The following PRIM2 variants were observed in gnomAD, a reference collection of about 807,000 sequenced individuals.
The protein encoded by PRIM2 is DNA primase subunit 2.
A neutral mutation model predicts 67.3 loss-of-function variants in PRIM2; 39 were observed. The ratio of observed to expected loss-of-function variants is 0.58; its 90% confidence interval spans 0.45 to 0.76. The LOEUF is 0.76. Ranked by LOEUF, PRIM2 falls within the 30% of genes least tolerant of loss-of-function variation. The pLI is 0.00. For synonymous variants in PRIM2, 143 were observed against 198.7 expected (o/e 0.72, Z 2.36); for missense variants, 398 against 598.7 (o/e 0.66, Z 3.50).
chr6:57,232,019 T>G, the PRIM2 span, among the ~76,000 whole-genome samples: 1 of 152,230 alleles, frequency 6.6e-6, no homozygotes, highest in Non-Finnish European at 1.5e-5. Flanking sequence ...GGCATTACCA[T>G]GTTTTCAGAG....
chr6:57,429,709 A>C (rs1581896271), intron 7 of PRIM2, among the ~76,000 whole-genome samples: 1 of 152,162 alleles, frequency 6.6e-6, no homozygotes, highest in African/African-American at 2.4e-5. Flanking sequence ...TTGTTGTCCC[A>C]TAAAGGAAAT....
the PRIM2 span, among the ~76,000 whole-genome samples, chr6:57,263,172 C>T: frequency 6.6e-6 from 1 of 152,226 alleles, no homozygotes; most frequent in Non-Finnish European, 1.5e-5. Flanking sequence ...ATTTATGTGT[C>T]ATTTCTTACC....
chr6:57,290,612 ACTC>A, the PRIM2 span, among the ~76,000 whole-genome samples: 1 of 152,132 alleles, frequency 6.6e-6, no homozygotes. Flanking sequence ...GAAGTAAAGC[ACTC>A]CTCAGCAAAT....
the PRIM2 span, among the ~76,000 whole-genome samples, chr6:57,271,924 G>A: frequency 4.4e-4 from 67 of 152,144 alleles, no homozygotes; most frequent in Non-Finnish European, 6.6e-4. Context: ...CAGTTTCCAC[G>A]TAGTTGAGCA....
intron 10 of PRIM2, among the ~76,000 whole-genome samples, chr6:57,589,281 C>T (rs1381462606): frequency 6.6e-6 from 1 of 152,104 alleles, no homozygotes; most frequent in Non-Finnish European, 1.5e-5. Context: ...GCAATTCAGG[C>T]CTAGACCAAG....
chr6:57,457,019 A>T (rs1772814493), intron 7 of PRIM2, among the ~76,000 whole-genome samples: 2 of 152,166 alleles, frequency 1.3e-5, no homozygotes, highest in South Asian at 4.1e-4. Context: ...CAGGACCCTC[A>T]GCTGCAGGTC....
At chr6:57,318,365 TC>T in intron 1 of PRIM2, 71 bp from the exon 2 acceptor site, 1 of 1,396,332 alleles carries the variant, frequency 7.2e-7, no homozygotes, top group Non-Finnish European at 9.7e-7. Context: ...AATTATTTTT[TC>T]GTGTTTTTTC....
chr6:57,316,982 G>A (rs916936737), upstream of PRIM2, among the ~76,000 whole-genome samples: 1 of 152,352 alleles, frequency 6.6e-6, no homozygotes, highest in African/African-American at 2.4e-5. Context: ...AGGCATTGCC[G>A]GAGAGCGGGG....
chr6:57,595,717 T>C (rs1410644173), intron 10 of PRIM2, among the ~76,000 whole-genome samples: 2 of 152,182 alleles, frequency 1.3e-5, no homozygotes, highest in Non-Finnish European at 2.9e-5. Context: ...AAAGAAGTAC[T>C]CTGGGTAAGA....
At chr6:57,517,555 T>C (rs2127462879) in intron 8 of PRIM2, among the ~76,000 whole-genome samples, 1 of 152,292 alleles carries the variant, frequency 6.6e-6, no homozygotes, top group African/African-American at 2.4e-5. Context: ...AAAATTTTAA[T>C]TTCAGCAACC....
At chr6:57,373,785 A>G (rs1485972612) in intron 5 of PRIM2, among the ~76,000 whole-genome samples, 4 of 151,940 alleles carry the variant, frequency 2.6e-5, no homozygotes, top group Non-Finnish European at 5.9e-5. Flanking sequence ...TGGTTTCTCT[A>G]ATCTGTTCCA....
At chr6:57,400,715 C>T (rs1170947808) in intron 7 of PRIM2, among the ~76,000 whole-genome samples, 7 of 152,044 alleles carry the variant, frequency 4.6e-5, no homozygotes, top group African/African-American at 1.2e-4. Flanking sequence ...TTGCTTTTTC[C>T]CCTTCGCTTT....
intron 5 of PRIM2, among the ~76,000 whole-genome samples, chr6:57,350,385 T>A (rs1581817474): frequency 6.6e-6 from 1 of 152,242 alleles, no homozygotes; most frequent in Admixed American, 6.5e-5. Context: ...TTTATTTATT[T>A]ACATTTTGAT....
chr6:57,257,096 A>C, the PRIM2 span, among the ~76,000 whole-genome samples: 1 of 152,226 alleles, frequency 6.6e-6, no homozygotes, highest in Non-Finnish European at 1.5e-5. Context: ...CAATCTGGGC[A>C]CACAAGAAAC....
rs1189530732 is a variant in PRIM2 at position 57,645,321 on chromosome 6, T to TCACACA, written c.1300-562_1300-557dup. On this transcript the variant is annotated intron_variant, in intron 13 of 13. Transcript: ENST00000615550. ...GTGCCTCACTAACATACAATGTCAT[T>TCACACA]CACACACACACACACACACACACAC... 8.5e-3 allele frequency among the ~76,000 whole-genome samples: 1,134 copies of TCACACA among 132,824 alleles called. 6 individuals carry two copies. Among genetic ancestry groups the TCACACA allele is most frequent in the Non-Finnish European group, 0.014 (876 of 61,938 alleles). 87.1% of individuals were successfully genotyped at this position (132,824 alleles called of 152,430 possible).
the PRIM2 span, among the ~76,000 whole-genome samples, chr6:57,254,457 G>A: frequency 1.3e-5 from 2 of 152,052 alleles, no homozygotes; most frequent in African/African-American, 4.8e-5. Flanking sequence ...GTGGCAGGCC[G>A]GGTCTCACTA....
At chr6:57,373,848 GC>G (rs1422137645) in intron 5 of PRIM2, among the ~76,000 whole-genome samples, 1 of 152,092 alleles carries the variant, frequency 6.6e-6, no homozygotes, top group Non-Finnish European at 1.5e-5. Context: ...GGTTACTGTA[GC>G]CCTGTAGTAT....
chr6:57,437,998 C>T (rs1427753537), intron 7 of PRIM2, among the ~76,000 whole-genome samples: 1 of 152,108 alleles, frequency 6.6e-6, no homozygotes, highest in African/African-American at 2.4e-5. Context: ...AATCCTACTC[C>T]ATAGTTACAT....
intron 5 of PRIM2, among the ~76,000 whole-genome samples, chr6:57,354,467 A>G (rs1292399129): frequency 6.6e-6 from 1 of 152,046 alleles, no homozygotes; most frequent in Non-Finnish European, 1.5e-5. Flanking sequence ...GTAAAATTAG[A>G]TAATTAATAA....
Sources: allele counts gnomAD v4.1 joint callset (sites outside exome capture counted in the v4.1 genomes callset), GRCh38; gene constraint gnomAD v4.1.1; transcripts MANE v1.5; gene names NCBI Gene and HGNC (gene_info 2026-07-23, HGNC 2026-07-21).